The following ZNF33B variants were observed in gnomAD, a reference collection of about 807,000 sequenced individuals.
ZNF33B encodes the protein zinc finger protein 33B.
A neutral mutation model predicts 45.8 loss-of-function variants in ZNF33B; 29 were observed. The observed-to-expected ratio is 0.63, with a 90% CI of 0.47 to 0.86. The LOEUF is 0.86. Ranked by LOEUF, ZNF33B falls within the 40% of genes least tolerant of loss-of-function variation. The pLI is 0.00. For synonymous variants in ZNF33B, 305 were observed against 307.8 expected (o/e 0.99, Z 0.10); for missense variants, 831 against 909.9 (o/e 0.91, Z 1.12).
At chr10:42,628,329 T>C (rs566602846) in intron 4 of ZNF33B, among the ~76,000 whole-genome samples, 51 of 152,418 alleles carry the variant, frequency 3.3e-4, no homozygotes, top group Middle Eastern at 3.4e-3. Flanking sequence ...TTGAGCACTA[T>C]TCTATAATGA....
At chr10:42,598,072 GA>G (rs1328304088) in intron 4 of ZNF33B, among the ~76,000 whole-genome samples, 1 of 152,156 alleles carries the variant, frequency 6.6e-6, no homozygotes, top group East Asian at 1.9e-4. Flanking sequence ...CCCATCAAAT[GA>G]AATTCCTATT....
At chr10:42,587,437 T>C (rs1377267744), downstream of ZNF33B, among the ~76,000 whole-genome samples, 2 of 152,074 alleles carry the variant, frequency 1.3e-5, no homozygotes, top group Non-Finnish European at 2.9e-5. Context: ...CCTCAAGTGA[T>C]CCTCCCGCCC....
intron 4 of ZNF33B, among the ~76,000 whole-genome samples, chr10:42,628,610 C>T (rs1199169026): frequency 6.6e-6 from 1 of 152,042 alleles, no homozygotes; most frequent in Admixed American, 6.6e-5. Flanking sequence ...TTGCTCTTTG[C>T]TCTAGAGTCT....
intron 1 of ZNF33B, among the ~76,000 whole-genome samples, chr10:42,579,483 G>A (rs979154134): frequency 2.0e-5 from 3 of 152,128 alleles, no homozygotes; most frequent in Non-Finnish European, 4.4e-5. Context: ...CATGAGATTC[G>A]GTTTTTGGTG....
intron 1 of ZNF33B, among the ~76,000 whole-genome samples, chr10:42,577,319 C>G (rs12218051): frequency 1.3e-5 from 2 of 151,878 alleles, no homozygotes; most frequent in East Asian, 3.9e-4. Context: ...CAGTCTTTGA[C>G]AGAGTGTGGA....
At chr10:42,618,116 T>A (rs1838405721) in intron 4 of ZNF33B, among the ~76,000 whole-genome samples, 1 of 152,222 alleles carries the variant, frequency 6.6e-6, no homozygotes, top group African/African-American at 2.4e-5. Flanking sequence ...ACACTCTTGA[T>A]ATCATTACCA....
At chr10:42,612,230 T>C (rs1043476645) in intron 4 of ZNF33B, among the ~76,000 whole-genome samples, 2 of 127,536 alleles carry the variant, frequency 1.6e-5, no homozygotes, top group African/African-American at 5.5e-5. Flanking sequence ...GTTACAGAAG[T>C]TGATTTTTTT....
At chr10:42,626,934 A>C (rs552759975) in intron 4 of ZNF33B, among the ~76,000 whole-genome samples, 43 of 152,120 alleles carry the variant, frequency 2.8e-4, no homozygotes, top group African/African-American at 1.0e-3. Context: ...CAAATTATCT[A>C]TATCACCCTA....
rs1314136294 is a variant in ZNF33B at position 42,592,139 on chromosome 10, T to C, written c.*474A>G. 5.8e-6 allele frequency: 1 copy of C among 171,630 alleles called. No homozygotes were observed. Among genetic ancestry groups the C allele is most frequent in the Non-Finnish European group, 1.2e-5 (1 of 84,216 alleles). 10.6% of individuals were successfully genotyped at this position (171,630 alleles called of 1,614,324 possible). ...CTTCTTGTGAGGTTATTTTAATTAT[T>C]ACTTCTTAAAAAATTCTTAAAGCTT... On this transcript the variant is annotated 3_prime_UTR_variant, in exon 5 of 5. Transcript: ENST00000359467.
chr10:42,612,438 G>A (rs1838140988), intron 4 of ZNF33B, among the ~76,000 whole-genome samples: 2 of 152,106 alleles, frequency 1.3e-5, no homozygotes, highest in South Asian at 2.1e-4. Context: ...GTTTTACCAC[G>A]TTGGCCAGGC....
At chr10:42,604,087 G>A (rs1211920441) in intron 4 of ZNF33B, among the ~76,000 whole-genome samples, 1 of 152,136 alleles carries the variant, frequency 6.6e-6, no homozygotes, top group Non-Finnish European at 1.5e-5. Flanking sequence ...AAAATGGCAG[G>A]CAACAGCAAC....
At chr10:42,615,085 A>G (rs558785307) in intron 4 of ZNF33B, among the ~76,000 whole-genome samples, 2 of 152,336 alleles carry the variant, frequency 1.3e-5, no homozygotes, top group South Asian at 2.1e-4. Flanking sequence ...AAGTGTTGGC[A>G]AACTGGAGAA....
chr10:42,579,989 G>A (rs1353411081), intron 1 of ZNF33B: 2 of 154,302 alleles, frequency 1.3e-5, no homozygotes, highest in African/African-American at 4.8e-5. Flanking sequence ...TTTACCAATC[G>A]TGGAAAATGT....
chr10:42,626,517 G>A (rs1236195694), intron 4 of ZNF33B, among the ~76,000 whole-genome samples: 4 of 151,974 alleles, frequency 2.6e-5, no homozygotes, highest in South Asian at 4.1e-4. Flanking sequence ...GTGAAACACC[G>A]TCTTTACTAA....
At chr10:42,575,136 CTTT>C (rs1168640326) in intron 1 of ZNF33B, among the ~76,000 whole-genome samples, 2 of 152,184 alleles carry the variant, frequency 1.3e-5, no homozygotes, top group Non-Finnish European at 2.9e-5. Context: ...ACAAGGTCTT[CTTT>C]ATTTGGAGAT....
intron 4 of ZNF33B, among the ~76,000 whole-genome samples, chr10:42,619,196 A>G (rs1408917541): frequency 2.6e-5 from 4 of 152,154 alleles, no homozygotes; most frequent in Admixed American, 2.6e-4. Flanking sequence ...GGTTTACAGT[A>G]ACCAAGTGAA....
At chr10:42,583,900 A>G (rs210285) in intron 1 of ZNF33B, among the ~76,000 whole-genome samples, 118,386 of 152,146 alleles carry the variant, frequency 0.78, 46,835 homozygotes, top group East Asian at 0.96. Flanking sequence ...TGAAGAGCTC[A>G]GCCCCCAGGC....
chr10:42,588,534 C>T (rs566692807), downstream of ZNF33B, among the ~76,000 whole-genome samples: 3 of 152,296 alleles, frequency 2.0e-5, no homozygotes, highest in South Asian at 4.1e-4. Context: ...CACTCTGATG[C>T]TATAGAAAGG....
At chr10:42,586,782 C>T (rs1836944910), downstream of ZNF33B, among the ~76,000 whole-genome samples, 1 of 152,214 alleles carries the variant, frequency 6.6e-6, no homozygotes, top group Admixed American at 6.5e-5. Flanking sequence ...GAGAGTGTAG[C>T]ATGGCCAAAT....
Sources: gnomAD v4.1 joint callset for allele counts (sites outside exome capture counted in the v4.1 genomes callset) on GRCh38, gnomAD v4.1.1 for gene constraint, MANE v1.5 for transcripts, NCBI Gene and HGNC (gene_info 2026-07-23, HGNC 2026-07-21) for gene names.